LRP1B: variants seen among roughly 807,000 people sequenced by gnomAD.
The protein encoded by LRP1B is LDL receptor related protein 1B, also known as low-density lipoprotein receptor-related protein 1B.
In LRP1B, 217 loss-of-function variants were observed where a neutral mutation model predicts 556.6. The ratio of observed to expected loss-of-function variants is 0.39; its 90% CI spans 0.35 to 0.44. LRP1B has a LOEUF of 0.44. LRP1B is among the 20% of genes least tolerant of loss of function. The pLI is 1.00. For synonymous variants in LRP1B, 2,047 were observed against 1,865.8 expected (o/e 1.10, Z -2.50); for missense variants, 5,053 against 5,620.8 (o/e 0.90, Z 3.23).
chr2:142,011,786 A>G (rs1224663790), intron 1 of LRP1B, among the ~76,000 whole-genome samples: 1 of 152,140 alleles, frequency 6.6e-6, no homozygotes, highest in African/African-American at 2.4e-5. Flanking sequence ...ATACATAAAT[A>G]TGTATTGACT....
chr2:140,249,952 A>G (rs1681334514), intron 86 of LRP1B, among the ~76,000 whole-genome samples: 1 of 151,924 alleles, frequency 6.6e-6, no homozygotes. Context: ...TTCCCCGCTG[A>G]ATTATTTGCA....
At position 141,174,403 on chromosome 2, in the gene LRP1B, A is replaced by T. The variant is rs1252699010; in HGVS notation, c.1013+14018T>A. Among the ~76,000 whole-genome samples, 30 of 152,060 alleles carry T rather than the reference A, an allele frequency of 2.0e-4. 1 individual carries two copies. The highest frequency in any genetic ancestry group is 2.0e-4 in the Admixed American group (3 of 15,252). On this transcript the variant is annotated intron_variant, in intron 7 of 90. Transcript: ENST00000389484. Reference sequence around the variant, plus strand: ...TCTCACATGGAATTGCAATCCCTACATGTCAGGGGAGGGGCCTGGTGGAAG... The same window carrying T: ...TCTCACATGGAATTGCAATCCCTACTTGTCAGGGGAGGGGCCTGGTGGAAG...
chr2:142,127,542 TTCTC>T (rs1305741842), intron 1 of LRP1B, among the ~76,000 whole-genome samples: 1 of 151,988 alleles, frequency 6.6e-6, no homozygotes, highest in African/African-American at 2.4e-5. Context: ...ATTTTCTCTT[TTCTC>T]TCTCACTCAG....
chr2:140,926,277 G>A (rs1454466008), intron 20 of LRP1B, among the ~76,000 whole-genome samples: 1 of 151,924 alleles, frequency 6.6e-6, no homozygotes, highest in African/African-American at 2.4e-5. Flanking sequence ...CCTTGTCTTG[G>A]TTATATATTC....
rs1055014092 is a variant in LRP1B at position 140,345,702 on chromosome 2, C to T, written c.11892+5095G>A. On this transcript the variant is annotated intron_variant, in intron 77 of 90. Coordinates refer to ENST00000389484, the MANE Select transcript of LRP1B (RefSeq NM_018557.3). ...TATATATATAAAATTCATGTCCTCT[C>T]ATAACTCATATATGTATATATATAC... Among the ~76,000 whole-genome samples, 25 of 144,090 alleles carry T rather than the reference C, an allele frequency of 1.7e-4. No homozygotes were observed. The East Asian group carries it at 4.9e-3, about 28-fold the overall frequency. 94.5% of individuals were successfully genotyped at this position (144,090 alleles called of 152,430 possible).
At chr2:141,632,739 T>C (rs894704860) in intron 2 of LRP1B, among the ~76,000 whole-genome samples, 2 of 152,086 alleles carry the variant, frequency 1.3e-5, no homozygotes, top group Non-Finnish European at 2.9e-5. Context: ...AGAGAGTCAG[T>C]GGTCAACCAT....
intron 83 of LRP1B, among the ~76,000 whole-genome samples, chr2:140,307,514 C>T (rs145027002): frequency 5.9e-5 from 9 of 151,556 alleles, no homozygotes; most frequent in African/African-American, 2.2e-4. Flanking sequence ...TAAGATGCTC[C>T]TAAGAATTCA....
chr2:140,602,183 G>T (rs1216352058), intron 41 of LRP1B, among the ~76,000 whole-genome samples: 1 of 147,196 alleles, frequency 6.8e-6, no homozygotes, highest in East Asian at 2.0e-4. Context: ...CAATTTATTT[G>T]CTTCTATCCA....
intron 3 of LRP1B, among the ~76,000 whole-genome samples, chr2:141,427,623 A>G (rs1233340727): frequency 6.6e-6 from 1 of 152,216 alleles, no homozygotes; most frequent in Non-Finnish European, 1.5e-5. Context: ...ATGTCTATTG[A>G]CATATAAAAT....
chr2:141,513,555 G>T (rs1684203674), intron 2 of LRP1B, among the ~76,000 whole-genome samples: 1 of 151,936 alleles, frequency 6.6e-6, no homozygotes, highest in South Asian at 2.1e-4. Context: ...TTATTCTTTG[G>T]TATTAAAATT....
intron 56 of LRP1B, among the ~76,000 whole-genome samples, chr2:140,493,558 A>G (rs545258666): frequency 6.9e-6 from 1 of 145,122 alleles, no homozygotes; most frequent in Non-Finnish European, 1.5e-5. Flanking sequence ...TTTGGTGAAT[A>G]ATTTGCCCAA....
chr2:141,315,696 T>TTCTCTGACTTTGATGATCATTCACA (rs1273602454), intron 3 of LRP1B, among the ~76,000 whole-genome samples: 1 of 151,984 alleles, frequency 6.6e-6, no homozygotes, highest in African/African-American at 2.4e-5. Context: ...TAACAGAAGA[T>TTCTCTGACTTTGATGATCATTCACA]TCTCTGACTT....
At chr2:140,337,603 T>C (rs897888303) in intron 77 of LRP1B, among the ~76,000 whole-genome samples, 3 of 151,904 alleles carry the variant, frequency 2.0e-5, no homozygotes, top group Admixed American at 6.6e-5. Flanking sequence ...AAAATCACCA[T>C]TATAAGCTGT....
At position 140,828,789 on chromosome 2, in the gene LRP1B, CAAAAAAAAAAAA is replaced by C. The variant is rs57621380; in HGVS notation, c.5209+11190_5209+11201del. On this transcript the variant is annotated intron_variant, in intron 31 of 90. Transcript: ENST00000389484. Reference sequence around the variant, plus strand: ...TGGGCGACAGAGCGAGACTCCGTCTCAAAAAAAAAAAAAAAAAAAAAAAAAGACACAAAGCAG... The same window carrying C: ...TGGGCGACAGAGCGAGACTCCGTCTCAAAAAAAAAAAAAGACACAAAGCAG... 2.6e-3 allele frequency among the ~76,000 whole-genome samples: 21 copies of C among 7,972 alleles called. 2 individuals carry two copies. The highest frequency in any genetic ancestry group is 5.2e-3 in the South Asian group (1 of 194). The allele number at this position is 7,972 out of a possible 152,430, so 5.2% of individuals were successfully genotyped here. A position where few individuals can be genotyped will look rare whatever the true frequency, so the allele number is the denominator to read the frequency against.
At chr2:140,729,198 A>G (rs1474956771) in intron 35 of LRP1B, among the ~76,000 whole-genome samples, 1 of 152,122 alleles carries the variant, frequency 6.6e-6, no homozygotes, top group East Asian at 1.9e-4. Flanking sequence ...ATTCTGTAAA[A>G]ATATTCAGAC....
At chr2:140,300,033 A>G (rs1683753967) in intron 83 of LRP1B, among the ~76,000 whole-genome samples, 1 of 152,080 alleles carries the variant, frequency 6.6e-6, no homozygotes, top group African/African-American at 2.4e-5. Flanking sequence ...AGGTACTTGA[A>G]AATTCTTCTA....
intron 2 of LRP1B, among the ~76,000 whole-genome samples, chr2:141,720,226 G>T (rs1692764524): frequency 1.3e-5 from 2 of 152,108 alleles, no homozygotes; most frequent in Admixed American, 6.5e-5. Flanking sequence ...TGTTACTGAA[G>T]ACTAGAGTGA....
At chr2:141,346,642 G>A (rs1337913549) in intron 3 of LRP1B, among the ~76,000 whole-genome samples, 1 of 152,102 alleles carries the variant, frequency 6.6e-6, no homozygotes, top group East Asian at 1.9e-4. Context: ...ACCCTTGACG[G>A]TTGGGGCAAC....
At chr2:141,956,116 C>T (rs916604451) in intron 1 of LRP1B, among the ~76,000 whole-genome samples, 1 of 152,004 alleles carries the variant, frequency 6.6e-6, no homozygotes, top group Non-Finnish European at 1.5e-5. Context: ...CTAAGACAGG[C>T]ATATGCCTAG....
Sources: allele counts gnomAD v4.1 joint callset (sites outside exome capture counted in the v4.1 genomes callset), GRCh38; gene constraint gnomAD v4.1.1; transcripts MANE v1.5; gene names NCBI Gene and HGNC (gene_info 2026-07-23, HGNC 2026-07-21).